The following EDA variants were observed in gnomAD, a reference collection of about 807,000 sequenced individuals.
EDA encodes the protein ectodysplasin A.
Under a neutral mutation model 23.6 loss-of-function variants are expected in EDA, and 2 were observed. The ratio of observed to expected loss-of-function variants is 0.08; its 90% confidence interval spans 0.03 to 0.27. The LOEUF (loss-of-function observed/expected upper bound fraction) is 0.27. EDA is among the 10% of genes least tolerant of loss of function. The pLI is 1.00. For synonymous variants in EDA, 131 were observed against 132.0 expected (o/e 0.99, Z 0.05); for missense variants, 229 against 324.2 (o/e 0.71, Z 2.26).
chrX:69,708,977 T>C (rs917246780), intron 1 of EDA, among the ~76,000 whole-genome samples: 3 of 110,972 alleles, frequency 2.7e-5, no homozygotes, highest in Non-Finnish European at 5.7e-5. Context: ...GAAAATAGCA[T>C]GTGCAAAGGT....
chrX:69,776,200 T>G (rs780584047), intron 1 of EDA, among the ~76,000 whole-genome samples: 2 of 112,119 alleles, frequency 1.8e-5, no homozygotes, highest in Non-Finnish European at 3.8e-5. Flanking sequence ...GTGCAGGGGC[T>G]CAATTTGATG....
At chrX:69,703,450 G>T (rs954848513) in intron 1 of EDA, among the ~76,000 whole-genome samples, 4 of 112,059 alleles carry the variant, frequency 3.6e-5, no homozygotes, top group African/African-American at 1.3e-4. Flanking sequence ...CAGATGAAAG[G>T]TTCTTGTATC....
intron 2 of EDA, among the ~76,000 whole-genome samples, chrX:69,995,231 G>A (rs1432865221): frequency 1.8e-5 from 2 of 111,863 alleles, no homozygotes; most frequent in Non-Finnish European, 3.8e-5. Flanking sequence ...AGCTCACTCT[G>A]CCCTGAGTGT....
At chrX:69,942,013 T>C (rs748570968) in intron 1 of EDA, among the ~76,000 whole-genome samples, 3 of 111,616 alleles carry the variant, frequency 2.7e-5, no homozygotes, top group Non-Finnish European at 5.7e-5. Flanking sequence ...TTTAAACTGA[T>C]GGCAACTTAA....
intron 1 of EDA, among the ~76,000 whole-genome samples, chrX:69,679,618 G>A (rs1258591375): frequency 1.8e-5 from 2 of 111,905 alleles, no homozygotes; most frequent in African/African-American, 6.5e-5. Context: ...AGAGGTGTTT[G>A]TCGTATTCTC....
intron 1 of EDA, among the ~76,000 whole-genome samples, chrX:69,775,499 C>T (rs1158213858): frequency 9.0e-6 from 1 of 111,511 alleles, no homozygotes; most frequent in Non-Finnish European, 1.9e-5. Context: ...ATTGAAGAAT[C>T]CCAGTATTTG....
At chrX:69,859,894 T>G (rs1211417216) in intron 1 of EDA, among the ~76,000 whole-genome samples, 2 of 110,998 alleles carry the variant, frequency 1.8e-5, no homozygotes, top group African/African-American at 6.6e-5. Flanking sequence ...GCTTTATGAA[T>G]CTGGGTACTT....
At chrX:69,750,347 G>T (rs1463006136) in intron 1 of EDA, among the ~76,000 whole-genome samples, 3 of 108,955 alleles carry the variant, frequency 2.8e-5, no homozygotes, top group East Asian at 5.8e-4. Context: ...ACAAAGGGCA[G>T]GAACTCATCC....
chrX:69,714,141 T>G (rs770549733), intron 1 of EDA, among the ~76,000 whole-genome samples: 1 of 111,264 alleles, frequency 9.0e-6, no homozygotes, highest in South Asian at 3.7e-4. Context: ...TCATAGTAAT[T>G]TTAATTTTAA....
intron 1 of EDA, among the ~76,000 whole-genome samples, chrX:69,761,462 T>A (rs2014306051): frequency 1.8e-5 from 2 of 112,242 alleles, no homozygotes; most frequent in East Asian, 5.6e-4. Flanking sequence ...AGTAGTACTA[T>A]CCACATTTTA....
intron 1 of EDA, among the ~76,000 whole-genome samples, chrX:69,912,774 T>C (rs2018286503): frequency 9.7e-6 from 1 of 102,762 alleles, no homozygotes; most frequent in Non-Finnish European, 2.0e-5. Flanking sequence ...CTTTTCTTTT[T>C]TTTTTTTTTT....
rs935188014 is a variant in EDA at position 69,642,093 on chromosome X, G to C, written c.396+25389G>C. On this transcript the variant is annotated intron_variant, in intron 1 of 7. Transcript: ENST00000374552. ...ATTTTTACTGCCAGAAATAATAGTAGTAGTAGTTGGAGGAGGAGGAGGAAG... is the reference window on the plus strand; with the variant it reads ...ATTTTTACTGCCAGAAATAATAGTACTAGTAGTTGGAGGAGGAGGAGGAAG... 2.7e-5 allele frequency among the ~76,000 whole-genome samples: 3 copies of C among 111,331 alleles called. No individual in the cohort carries two copies. The Admixed American group carries it at 2.9e-4, about 11-fold the overall frequency.
At chrX:69,720,140 T>C (rs2012527380) in intron 1 of EDA, among the ~76,000 whole-genome samples, 1 of 111,695 alleles carries the variant, frequency 9.0e-6, no homozygotes, top group Non-Finnish European at 1.9e-5. Flanking sequence ...AAACATGCAG[T>C]TGATGTTTGT....
intron 1 of EDA, among the ~76,000 whole-genome samples, chrX:69,735,612 A>C (rs1299780238): frequency 1.8e-5 from 2 of 111,531 alleles, no homozygotes; most frequent in Non-Finnish European, 3.8e-5. Flanking sequence ...AGGGCTGAGC[A>C]CAAGACTTAT....
chrX:69,625,636 A>G (rs927219294), intron 1 of EDA, among the ~76,000 whole-genome samples: 1 of 111,259 alleles, frequency 9.0e-6, no homozygotes, highest in Non-Finnish European at 1.9e-5. Context: ...TGCAAAAAAG[A>G]TGAACTTAGA....
At chrX:69,930,915 CT>C (rs1295091654) in intron 1 of EDA, among the ~76,000 whole-genome samples, 1 of 111,041 alleles carries the variant, frequency 9.0e-6, no homozygotes, top group African/African-American at 3.3e-5. Flanking sequence ...GAATACCATT[CT>C]TAATAGCATC....
rs185012610 is a variant in EDA at position 69,634,501 on chromosome X, T to C, written c.396+17797T>C. ...ATAATTTTTTTATTATTTTTTTTAA[T>C]AGAGATGGAGTTTCCCCATGTTGGC... is the stretch of plus-strand genomic sequence containing the variant. On this transcript the variant is annotated intron_variant, in intron 1 of 7. Transcript: ENST00000374552. Among the ~76,000 whole-genome samples the C allele has an allele frequency of 3.8e-4, 42 of 110,290 alleles. No homozygotes were observed. In the South Asian group the frequency reaches 5.1e-3, roughly 14 times the overall value.
At chrX:69,939,147 G>C (rs745997959) in intron 1 of EDA, among the ~76,000 whole-genome samples, 58 of 111,692 alleles carry the variant, frequency 5.2e-4, no homozygotes, top group Admixed American at 9.5e-4. Flanking sequence ...TTGATATTTT[G>C]ATAGGGATTG....
intron 1 of EDA, among the ~76,000 whole-genome samples, chrX:69,931,000 A>G (rs1206404675): frequency 8.9e-6 from 1 of 111,734 alleles, no homozygotes; most frequent in Non-Finnish European, 1.9e-5. Context: ...AATTTTTTAT[A>G]GGAACTGATA....
Sources: gnomAD v4.1 joint callset for allele counts (sites outside exome capture counted in the v4.1 genomes callset) on GRCh38, gnomAD v4.1.1 for gene constraint, MANE v1.5 for transcripts, NCBI Gene and HGNC (gene_info 2026-07-23, HGNC 2026-07-21) for gene names.